Variants in RBFOX1 observed in about 807,000 individuals in gnomAD.
RBFOX1 encodes RNA binding protein fox-1 homolog 1.
Under a neutral mutation model 57.7 loss-of-function variants are expected in RBFOX1, and 8 were observed. The ratio of observed to expected loss-of-function variants is 0.14; its 90% confidence interval spans 0.08 to 0.25. The LOEUF (loss-of-function observed/expected upper bound fraction) is 0.25. Ranked by LOEUF, RBFOX1 falls within the 10% of genes least tolerant of loss-of-function variation. RBFOX1 has a pLI of 1.00. For synonymous variants in RBFOX1, 326 were observed against 222.4 expected (o/e 1.47, Z -4.15); for missense variants, 611 against 548.5 (o/e 1.11, Z -1.14).
At chr16:7,288,180 C>G (rs1200212935) in intron 4 of RBFOX1, among the ~76,000 whole-genome samples, 1 of 152,178 alleles carries the variant, frequency 6.6e-6, no homozygotes, top group East Asian at 1.9e-4. Flanking sequence ...GGAAGCGGCA[C>G]CTACCTCAAC....
intron 3 of RBFOX1, among the ~76,000 whole-genome samples, chr16:5,837,716 T>C (rs1359014020): frequency 6.6e-6 from 1 of 151,946 alleles, no homozygotes; most frequent in East Asian, 1.9e-4. Flanking sequence ...CCTTTAGAGC[T>C]CCATGTGGTT....
intron 1 of RBFOX1, among the ~76,000 whole-genome samples, chr16:6,285,673 C>G (rs1273914864): frequency 6.6e-6 from 1 of 152,142 alleles, no homozygotes; most frequent in East Asian, 1.9e-4. Flanking sequence ...CCCTGCTTTT[C>G]CTGCCTATCC....
intron 3 of RBFOX1, among the ~76,000 whole-genome samples, chr16:5,700,350 A>G (rs2051002867): frequency 6.6e-6 from 1 of 152,092 alleles, no homozygotes; most frequent in Non-Finnish European, 1.5e-5. Context: ...TCTATATCTA[A>G]AAATATCTTT....
intron 4 of RBFOX1, among the ~76,000 whole-genome samples, chr16:7,256,012 T>G (rs986542603): frequency 6.6e-6 from 1 of 152,246 alleles, no homozygotes; most frequent in Non-Finnish European, 1.5e-5. Context: ...TTGTCTTATT[T>G]GCATTTCCCA....
At chr16:6,398,009 T>C (rs186094556) in intron 2 of RBFOX1, among the ~76,000 whole-genome samples, 1 of 152,050 alleles carries the variant, frequency 6.6e-6, no homozygotes, top group African/African-American at 2.4e-5. Context: ...AAACAGAAAT[T>C]AAAGAGCAAA....
intron 4 of RBFOX1, among the ~76,000 whole-genome samples, chr16:5,924,556 T>G (rs2058902464): frequency 1.3e-5 from 2 of 152,292 alleles, no homozygotes; most frequent in Admixed American, 1.3e-4. Context: ...ATCTCTGTAC[T>G]CACCAACTCC....
chr16:5,744,658 C>A (rs1248663714), intron 3 of RBFOX1, among the ~76,000 whole-genome samples: 2 of 152,168 alleles, frequency 1.3e-5, no homozygotes, highest in African/African-American at 2.4e-5. Context: ...CTCACCCGAT[C>A]TGAAATTAAA....
intron 4 of RBFOX1, among the ~76,000 whole-genome samples, chr16:7,178,806 G>T (rs1716553059): frequency 6.6e-6 from 1 of 152,076 alleles, no homozygotes; most frequent in Non-Finnish European, 1.5e-5. Flanking sequence ...TGAGACATCG[G>T]GTTTCACACC....
At chr16:5,836,344 G>A (rs1400493465) in intron 3 of RBFOX1, among the ~76,000 whole-genome samples, 3 of 152,198 alleles carry the variant, frequency 2.0e-5, no homozygotes, top group Admixed American at 1.3e-4. Flanking sequence ...TTGCCTGGCA[G>A]TGGGGTAGTT....
At chr16:7,329,973 G>C (rs1416561373) in intron 4 of RBFOX1, among the ~76,000 whole-genome samples, 1 of 152,154 alleles carries the variant, frequency 6.6e-6, no homozygotes, top group East Asian at 1.9e-4. Flanking sequence ...GGTATGTTCT[G>C]AGAAACTGGT....
chr16:6,083,238 A>G (rs563320942), intron 1 of RBFOX1, among the ~76,000 whole-genome samples: 2 of 152,168 alleles, frequency 1.3e-5, no homozygotes, highest in South Asian at 2.1e-4. Context: ...CCTGACCTGA[A>G]GTGATCTGCC....
intron 1 of RBFOX1, among the ~76,000 whole-genome samples, chr16:6,178,334 G>A (rs148646166): frequency 6.9e-4 from 104 of 151,598 alleles, no homozygotes; most frequent in African/African-American, 2.3e-3. Context: ...TTACAGGCAC[G>A]CGCCACCATG....
intron 3 of RBFOX1, among the ~76,000 whole-genome samples, chr16:5,710,129 A>G (rs1014759008): frequency 2.0e-5 from 3 of 151,852 alleles, no homozygotes; most frequent in Non-Finnish European, 2.9e-5. Flanking sequence ...GTGAGAGATT[A>G]TAAGCTCCCA....
intron 2 of RBFOX1, among the ~76,000 whole-genome samples, chr16:6,508,193 A>G (rs556798938): frequency 4.7e-4 from 72 of 152,120 alleles, no homozygotes; most frequent in Non-Finnish European, 8.5e-4. Context: ...GAGTGAAACA[A>G]CACATCCTGG....
intron 3 of RBFOX1, among the ~76,000 whole-genome samples, chr16:6,702,479 G>C (rs141092888): frequency 6.6e-6 from 1 of 151,966 alleles, no homozygotes; most frequent in African/African-American, 2.4e-5. Context: ...GCTTGAGCCC[G>C]GGAGGCAGAG....
intron 3 of RBFOX1, among the ~76,000 whole-genome samples, chr16:6,862,771 G>A (rs1483380837): frequency 6.6e-6 from 1 of 152,118 alleles, no homozygotes; most frequent in African/African-American, 2.4e-5. Context: ...GATCACCTGA[G>A]GTCAGGAGTT....
intron 3 of RBFOX1, among the ~76,000 whole-genome samples, chr16:6,967,087 C>T (rs1049464426): frequency 6.6e-6 from 1 of 152,170 alleles, no homozygotes; most frequent in African/African-American, 2.4e-5. Context: ...ATCCACCCAT[C>T]ATTCTATTTG....
At chr16:6,916,990 C>T (rs1346512705) in intron 3 of RBFOX1, among the ~76,000 whole-genome samples, 1 of 152,086 alleles carries the variant, frequency 6.6e-6, no homozygotes. Flanking sequence ...GGTAGGATTA[C>T]ACATGCATGC....
intron 4 of RBFOX1, among the ~76,000 whole-genome samples, chr16:7,298,260 A>C (rs1310189076): frequency 6.6e-6 from 1 of 151,250 alleles, no homozygotes; most frequent in Non-Finnish European, 1.5e-5. Flanking sequence ...CACAATGTAG[A>C]AAATTTGTGT....
Sources: gnomAD v4.1 joint callset for allele counts (sites outside exome capture counted in the v4.1 genomes callset) on GRCh38, gnomAD v4.1.1 for gene constraint, MANE v1.5 for transcripts, NCBI Gene and HGNC (gene_info 2026-07-23, HGNC 2026-07-21) for gene names.